Variants in USP49 observed in about 807,000 individuals in gnomAD.
USP49 encodes the protein ubiquitin specific peptidase 49.
In USP49, 24 loss-of-function variants were observed where a neutral mutation model predicts 58.6. The ratio of observed to expected loss-of-function variants is 0.41; its 90% CI spans 0.30 to 0.58. The LOEUF is 0.58. Among genes scored for constraint, USP49 ranks in the 20% least tolerant of loss-of-function variants. USP49 has a pLI of 0.30. For synonymous variants in USP49, 408 were observed against 365.1 expected, an observed-to-expected ratio of 1.12 and a Z score of -1.34; for missense variants, 703 against 866.1, an observed-to-expected ratio of 0.81 and a Z score of 2.36.
At chr6:41,841,806 C>T (rs1427377786) in intron 3 of USP49, among the ~76,000 whole-genome samples, 1 of 152,172 alleles carries the variant, frequency 6.6e-6, no homozygotes, top group African/African-American at 2.4e-5. Context: ...CCTGTAATCC[C>T]AGCACTTCAG....
At position 41,806,614 on chromosome 6, in the gene USP49, C is replaced by G; in HGVS notation, c.370G>C (p.Glu124Gln). 6.2e-7 allele frequency: 1 copy of G among 1,610,508 alleles called. No individual in the cohort carries two copies. Among genetic ancestry groups the G allele is most frequent in the South Asian group, 1.1e-5 (1 of 90,976 alleles). The change falls in exon 4 of 8, where the codon GAG (glutamate) becomes CAG (glutamine). Residue 124 changes from glutamate to glutamine, a missense_variant. Glu to Gln is a conservative substitution (Grantham distance 29, BLOSUM62 2). This residue lies in a region of USP49 where 376 missense variants were observed against 373.5 expected (regional missense o/e 1.01). Transcript: ENST00000682992. This position sits in a 1 kb window ranked among gnomAD's most constrained non-coding sequence, Gnocchi z 5.9. ...GRTLRSMASG[E>Q]DVVLPQRAPQ... ...GCGCGCTGCGGCAGGACCACGTCCT[C>G]ACCCGAAGCCATGGACCGCAGCGTC...
chr6:41,880,894 A>G (rs1349766733), intron 2 of USP49, among the ~76,000 whole-genome samples: 3 of 152,106 alleles, frequency 2.0e-5, no homozygotes, highest in African/African-American at 7.2e-5. Flanking sequence ...GGGCAGGTCT[A>G]GAAAAGAACC....
intron 3 of USP49, among the ~76,000 whole-genome samples, chr6:41,819,301 A>C (rs1773413480): frequency 6.6e-6 from 1 of 152,100 alleles, no homozygotes; most frequent in African/African-American, 2.4e-5. Flanking sequence ...GGTCCGAACT[A>C]ATGGCTCCCT....
At chr6:41,889,814 A>T (rs1401691078) in intron 2 of USP49, among the ~76,000 whole-genome samples, 1 of 152,218 alleles carries the variant, frequency 6.6e-6, no homozygotes, top group African/African-American at 2.4e-5. Context: ...CATTTTCTTC[A>T]ATTTGACTTG....
chr6:41,813,726 C>CA (rs1773300672), intron 3 of USP49, among the ~76,000 whole-genome samples: 1 of 152,178 alleles, frequency 6.6e-6, no homozygotes, highest in South Asian at 2.1e-4. Context: ...CTTTGCACCT[C>CA]ACCATACTGA....
rs1773059725 is a variant in USP49, at chr6:41,803,703, A to AT, written c.1561+102dup. On this transcript the variant is annotated intron_variant, in intron 5 of 7. Coordinates refer to ENST00000682992, the MANE Select transcript of USP49 (RefSeq NM_001286554.2). The surrounding 1 kb of genome is among the most constrained non-coding windows in gnomAD (Gnocchi z 4.1). ...TTAAAAGATGCTTTAGAACCATTCA[A>AT]TATCATTAGTGTTACTTTTGACTAA... The AT allele has an allele frequency of 1.6e-6, 2 of 1,240,696 alleles. No homozygotes were observed. Among genetic ancestry groups the AT allele is most frequent in the African/African-American group, 3.0e-5 (2 of 66,658 alleles). The allele number at this position is 1,240,696 out of a possible 1,614,324, so 76.9% of individuals were successfully genotyped here.
At chr6:41,873,575 T>C (rs576478947) in intron 2 of USP49, among the ~76,000 whole-genome samples, 2 of 152,332 alleles carry the variant, frequency 1.3e-5, no homozygotes, top group African/African-American at 4.8e-5. Flanking sequence ...ATCCACAAAA[T>C]GTCCCCCAAA....
intron 2 of USP49, among the ~76,000 whole-genome samples, chr6:41,880,641 C>G (rs925136125): frequency 6.6e-6 from 1 of 152,028 alleles, no homozygotes; most frequent in Non-Finnish European, 1.5e-5. Flanking sequence ...GAATTCTATA[C>G]CCAGGTAAAC....
intron 2 of USP49, among the ~76,000 whole-genome samples, chr6:41,884,527 CATT>C (rs1311610420): frequency 2.0e-5 from 3 of 152,138 alleles, no homozygotes; most frequent in African/African-American, 7.2e-5. Flanking sequence ...ATATCAAACA[CATT>C]AGAGAGTGTG....
intron 3 of USP49, among the ~76,000 whole-genome samples, chr6:41,810,045 C>T (rs1441815801): frequency 1.6e-5 from 2 of 128,564 alleles, no homozygotes; most frequent in African/African-American, 2.9e-5. Flanking sequence ...CCAGCTGCTC[C>T]GGAGGCTGAG....
At chr6:41,860,472 G>C (rs1460431744) in intron 3 of USP49, among the ~76,000 whole-genome samples, 1 of 152,040 alleles carries the variant, frequency 6.6e-6, no homozygotes, top group East Asian at 1.9e-4. Context: ...GTTTTTATAT[G>C]CTTGAAAATT....
intron 3 of USP49, among the ~76,000 whole-genome samples, chr6:41,808,662 A>G (rs1047471393): frequency 1.3e-5 from 2 of 152,240 alleles, no homozygotes; most frequent in African/African-American, 4.8e-5. Flanking sequence ...CGCCCACCTC[A>G]GCCTCCCAAA....
At chr6:41,821,095 A>C (rs541195520) in intron 3 of USP49, among the ~76,000 whole-genome samples, 1 of 152,342 alleles carries the variant, frequency 6.6e-6, no homozygotes, top group South Asian at 2.1e-4. Flanking sequence ...CTTGAGATAC[A>C]AGCTATTCAC....
chr6:41,861,165 C>A (rs182055809), intron 3 of USP49, among the ~76,000 whole-genome samples: 1 of 149,752 alleles, frequency 6.7e-6, no homozygotes, highest in African/African-American at 2.5e-5. Context: ...AAACCAGGGC[C>A]GGGCGCAGTG....
At chr6:41,866,873 A>C (rs1249715956) in intron 3 of USP49, among the ~76,000 whole-genome samples, 1 of 152,104 alleles carries the variant, frequency 6.6e-6, no homozygotes, top group African/African-American at 2.4e-5. Flanking sequence ...GGGGCCCCAG[A>C]CCACCCTTTA....
At chr6:41,849,799 G>A (rs773955042) in intron 3 of USP49, among the ~76,000 whole-genome samples, 2 of 151,948 alleles carry the variant, frequency 1.3e-5, no homozygotes, top group Non-Finnish European at 2.9e-5. Flanking sequence ...GTAGAGACAA[G>A]GTTTTACCAT....
Position 41,796,074 on chromosome 6 carries a change from T to G in USP49, c.*459A>C, listed in dbSNP as rs1161431167. The G allele has an allele frequency of 6.5e-6, 1 of 153,976 alleles. No individual in the cohort carries two copies. The highest frequency in any genetic ancestry group is 2.4e-5 in the African/African-American group (1 of 41,474). 9.5% of individuals were successfully genotyped at this position (153,976 alleles called of 1,614,324 possible). On this transcript the variant is annotated 3_prime_UTR_variant, in exon 8 of 8. Transcript: ENST00000682992. ...ACTTCATCTCCCATCTTGGAGCCAA[T>G]CCCATCCAGCAAACTGCTAGCCCAG...
rs143497725 is a variant in USP49 at position 41,808,761 on chromosome 6, G to A, written c.-28-1750C>T. Among the ~76,000 whole-genome samples the A allele has an allele frequency of 9.2e-5, 14 of 152,102 alleles. No homozygotes were observed. In the East Asian group the frequency reaches 2.7e-3, roughly 30 times the overall value. ...TTTTATATCTTTGGAACTTTGAAAGGCGTTTTCCCCTCAATACCAGAACTT... is the reference window on the plus strand; with the variant it reads ...TTTTATATCTTTGGAACTTTGAAAGACGTTTTCCCCTCAATACCAGAACTT... On this transcript the variant is annotated intron_variant, in intron 3 of 7. Transcript: ENST00000682992.
At chr6:41,804,203 A>G (rs1298558931) in intron 4 of USP49, among the ~76,000 whole-genome samples, 193 bp from the exon 5 acceptor site, 2 of 152,184 alleles carry the variant, frequency 1.3e-5, no homozygotes, top group Non-Finnish European at 2.9e-5. Flanking sequence ...TAACTATGGG[A>G]TGCTAGCTGG....
Sources: gnomAD v4.1 joint callset for allele counts (sites outside exome capture counted in the v4.1 genomes callset) on GRCh38, gnomAD v4.1.1 for gene constraint, gnomAD v4.1.1 regional missense constraint, Gnocchi (gnomAD v3.1) non-coding constraint, MANE v1.5 for transcripts, NCBI Gene and HGNC (gene_info 2026-07-23, HGNC 2026-07-21) for gene names.